The following SMG6 variants were observed in gnomAD, a reference collection of about 807,000 sequenced individuals.
SMG6 encodes the protein telomerase-binding protein EST1A.
In SMG6, 66 loss-of-function variants were observed where a neutral mutation model predicts 142.2. The observed-to-expected ratio is 0.46, with a 90% CI of 0.38 to 0.57. The LOEUF is 0.57. SMG6 is among the 20% of genes least tolerant of loss of function. The pLI is 0.00. For synonymous variants in SMG6, 779 were observed against 702.4 expected (o/e 1.11, Z -1.72); for missense variants, 1,793 against 1,832.0 (o/e 0.98, Z 0.39).
At chr17:2,092,772 C>CAAG (rs1233743929) in intron 13 of SMG6, among the ~76,000 whole-genome samples, 1 of 152,250 alleles carries the variant, frequency 6.6e-6, no homozygotes, top group Non-Finnish European at 1.5e-5. Flanking sequence ...GGAGGTTGGA[C>CAAG]AAGAGCCTGG....
At chr17:2,224,888 C>T (rs756918267) in intron 10 of SMG6, among the ~76,000 whole-genome samples, 7 of 152,166 alleles carry the variant, frequency 4.6e-5, no homozygotes, top group Non-Finnish European at 8.8e-5. Context: ...AAAAGACAGG[C>T]TGCTTTCAAA....
At chr17:2,250,637 C>A (rs557954787) in intron 8 of SMG6, among the ~76,000 whole-genome samples, 75 of 152,156 alleles carry the variant, frequency 4.9e-4, no homozygotes, top group South Asian at 4.8e-3. Flanking sequence ...CTCTGCCTCA[C>A]CCTCCTAAAG....
chr17:2,140,412 C>G (rs1402501264), intron 13 of SMG6, among the ~76,000 whole-genome samples: 1 of 152,156 alleles, frequency 6.6e-6, no homozygotes, highest in Non-Finnish European at 1.5e-5. Flanking sequence ...TGGCTCACAC[C>G]TGTAATCCCA....
intron 13 of SMG6, among the ~76,000 whole-genome samples, chr17:2,157,489 T>C (rs2071042841): frequency 6.6e-6 from 1 of 152,192 alleles, no homozygotes; most frequent in South Asian, 2.1e-4. Flanking sequence ...TAAACAGATT[T>C]TGGTACCCCT....
intron 13 of SMG6, among the ~76,000 whole-genome samples, chr17:2,091,649 C>T (rs1567590309): frequency 1.3e-5 from 2 of 150,886 alleles, no homozygotes; most frequent in African/African-American, 4.9e-5. Flanking sequence ...GCGTTAAGTA[C>T]AGGCTACTTT....
chr17:2,219,803 CAAAAAAA>C (rs72234069), intron 10 of SMG6, among the ~76,000 whole-genome samples: 19 of 118,082 alleles, frequency 1.6e-4, no homozygotes, highest in Non-Finnish European at 1.9e-4. Flanking sequence ...GACCCTTTAT[CAAAAAAA>C]AAAAAAAAAA....
intron 13 of SMG6, among the ~76,000 whole-genome samples, chr17:2,140,614 G>C (rs2070447219): frequency 6.6e-6 from 1 of 150,822 alleles, no homozygotes; most frequent in African/African-American, 2.4e-5. Flanking sequence ...GGAGGTTGCA[G>C]TGAGCCGAGA....
intron 13 of SMG6, among the ~76,000 whole-genome samples, chr17:2,090,615 T>C (rs1224151377): frequency 6.6e-6 from 1 of 152,230 alleles, no homozygotes; most frequent in Non-Finnish European, 1.5e-5. Context: ...TTGCAAAATT[T>C]CTTTTTCTGA....
At chr17:2,065,789 TC>T (rs1199985106) in intron 16 of SMG6, 110 bp from the exon 17 acceptor site, 1 of 903,284 alleles carries the variant, frequency 1.1e-6, no homozygotes, top group Non-Finnish European at 1.7e-6. Context: ...AATCCATCCT[TC>T]CCCCACAGGA....
intron 7 of SMG6, 103 bp downstream of exon 7, chr17:2,283,522 C>A: frequency 1.1e-6 from 1 of 903,240 alleles, no homozygotes; most frequent in South Asian, 1.4e-5. Context: ...CTTGGATAAA[C>A]CTCACTGGCT....
chr17:2,264,516 T>C (rs944236455), intron 8 of SMG6, among the ~76,000 whole-genome samples: 1 of 152,206 alleles, frequency 6.6e-6, no homozygotes, highest in Non-Finnish European at 1.5e-5. Flanking sequence ...AATGTGCTTT[T>C]CACAACACCA....
chr17:2,114,518 G>A (rs1399775099), intron 13 of SMG6, among the ~76,000 whole-genome samples: 1 of 152,090 alleles, frequency 6.6e-6, no homozygotes, highest in Non-Finnish European at 1.5e-5. Context: ...GACAACTGAT[G>A]TTCAACCCTT....
intron 10 of SMG6, among the ~76,000 whole-genome samples, chr17:2,231,349 C>G (rs965909216): frequency 1.3e-5 from 2 of 152,154 alleles, no homozygotes; most frequent in Admixed American, 1.3e-4. Flanking sequence ...CCTCTGGAGA[C>G]CCACATGTGA....
intron 13 of SMG6, among the ~76,000 whole-genome samples, chr17:2,151,290 T>A (rs2070817214): frequency 6.6e-6 from 1 of 152,250 alleles, no homozygotes. Flanking sequence ...TTTTAAAGCC[T>A]GAAATATTAT....
intron 13 of SMG6, among the ~76,000 whole-genome samples, chr17:2,102,222 GTTTA>G (rs58527634): frequency 2.8e-4 from 42 of 152,216 alleles, no homozygotes; most frequent in African/African-American, 9.1e-4. Flanking sequence ...TTATATTTGT[GTTTA>G]TTTACAAGGG....
chr17:2,118,420 T>C (rs900438709), intron 13 of SMG6, among the ~76,000 whole-genome samples: 6 of 152,082 alleles, frequency 3.9e-5, no homozygotes, highest in African/African-American at 1.4e-4. Flanking sequence ...GCACCTGTAG[T>C]CCCAGTTACT....
At chr17:2,294,314 G>T (rs1174388872) in intron 4 of SMG6, among the ~76,000 whole-genome samples, 1 of 152,192 alleles carries the variant, frequency 6.6e-6, no homozygotes, top group Non-Finnish European at 1.5e-5. Context: ...AGCACAAAGA[G>T]AACTGATTAT....
chr17:2,289,860 C>T (rs1240747785), intron 6 of SMG6, among the ~76,000 whole-genome samples: 1 of 151,234 alleles, frequency 6.6e-6, no homozygotes, highest in Non-Finnish European at 1.5e-5. Context: ...TTACAGTAAG[C>T]CGAGACTACT....
intron 16 of SMG6, among the ~76,000 whole-genome samples, chr17:2,066,695 A>ACACACACACACACACACACACAC (rs60525218): frequency 4.7e-5 from 7 of 149,526 alleles, no homozygotes; most frequent in Non-Finnish European, 1.0e-4. Context: ...ACACACACAC[A>ACACACACACACACACACACACAC]ATGCCCATGC....
Sources: gnomAD v4.1 joint callset for allele counts (sites outside exome capture counted in the v4.1 genomes callset) on GRCh38, gnomAD v4.1.1 for gene constraint, MANE v1.5 for transcripts, NCBI Gene and HGNC (gene_info 2026-07-23, HGNC 2026-07-21) for gene names.